The following NNMT variants were observed in gnomAD, a reference collection of about 807,000 sequenced individuals.
The protein encoded by NNMT is nicotinamide N-methyltransferase.
NNMT carries 10 observed loss-of-function variants against 11.7 expected under a neutral mutation model. The observed-to-expected ratio is 0.85, with a 90% CI of 0.53 to 1.45. NNMT has a LOEUF of 1.45. NNMT is among the 40% of genes most tolerant of loss of function. The pLI, the probability that NNMT is intolerant of heterozygous loss-of-function variation, is 0.00. For missense variants in NNMT, 381 were observed against 319.4 expected (o/e 1.19, Z -1.47); for synonymous variants, 143 against 133.8 (o/e 1.07, Z -0.48).
intron 2 of NNMT, among the ~76,000 whole-genome samples, chr11:114,281,164 A>G (rs1338579279): frequency 6.6e-6 from 1 of 152,182 alleles, no homozygotes; most frequent in Non-Finnish European, 1.5e-5. Context: ...TCTCTGCTGT[A>G]GTAAAAACCT....
chr11:114,290,023 A>G (rs1334018418), intron 2 of NNMT, among the ~76,000 whole-genome samples: 1 of 152,148 alleles, frequency 6.6e-6, no homozygotes, highest in Non-Finnish European at 1.5e-5. Context: ...TCTCGGGCCT[A>G]TTTCATAAGG....
intron 2 of NNMT, among the ~76,000 whole-genome samples, chr11:114,270,965 C>A (rs1334439544): frequency 6.6e-6 from 1 of 151,962 alleles, no homozygotes; most frequent in Non-Finnish European, 1.5e-5. Flanking sequence ...TTAGCAGAGA[C>A]AGGGTTTCAC....
chr11:114,308,625 T>A (rs1000017941), intron 2 of NNMT, among the ~76,000 whole-genome samples: 4 of 152,108 alleles, frequency 2.6e-5, no homozygotes, highest in African/African-American at 9.7e-5. Context: ...CCTTTAGAAC[T>A]AAAGAAATGA....
intron 2 of NNMT, among the ~76,000 whole-genome samples, chr11:114,281,418 T>TCTA (rs1945262291): frequency 6.6e-6 from 1 of 151,562 alleles, no homozygotes; most frequent in African/African-American, 2.4e-5. Flanking sequence ...CACTGGGGAG[T>TCTA]ATAGAGGAGG....
intron 2 of NNMT, among the ~76,000 whole-genome samples, chr11:114,275,568 T>C (rs1945207619): frequency 6.6e-6 from 1 of 152,220 alleles, no homozygotes; most frequent in Non-Finnish European, 1.5e-5. Flanking sequence ...TCTCCAGGAC[T>C]CAGTGTCTTC....
chr11:114,283,181 A>G (rs1482446995), intron 2 of NNMT, among the ~76,000 whole-genome samples: 1 of 152,168 alleles, frequency 6.6e-6, no homozygotes, highest in African/African-American at 2.4e-5. Context: ...AATGCCCCCC[A>G]TAGGAATTCT....
At chr11:114,259,707 G>A (rs1006195547) in intron 1 of NNMT, among the ~76,000 whole-genome samples, 4 of 147,714 alleles carry the variant, frequency 2.7e-5, no homozygotes, top group African/African-American at 7.5e-5. Context: ...AAGTGAACTC[G>A]CTCATTTAAA....
chr11:114,296,101 G>T, upstream of NNMT: 1 of 153,490 alleles, frequency 6.5e-6, no homozygotes, highest in Non-Finnish European at 1.4e-5. Context: ...CATTCTTCGT[G>T]ACCCCTTTTC....
At chr11:114,259,401 C>A (rs971616511) in intron 1 of NNMT, among the ~76,000 whole-genome samples, 47 of 151,184 alleles carry the variant, frequency 3.1e-4, no homozygotes, top group African/African-American at 1.2e-3. Context: ...GATTCATAGA[C>A]CACCTGACCC....
intron 2 of NNMT, among the ~76,000 whole-genome samples, chr11:114,306,777 T>C (rs1945496475): frequency 6.6e-6 from 1 of 152,116 alleles, no homozygotes; most frequent in Non-Finnish European, 1.5e-5. Flanking sequence ...TGAAGTCAGG[T>C]AGTGTGCTCC....
Position 114,296,592 on chromosome 11 carries a change from A to G in NNMT, c.36A>G (p.Leu12=), listed in dbSNP as rs750604337. Residue 12 remains leucine (L), a synonymous_variant, in exon 1 of 3, where the codon CTA becomes CTG. Transcript: ENST00000299964. ...ESGFTSKDTY[L]SHFNPRDYLE... Reference sequence around the variant, plus strand: ...GCTTCACCTCCAAGGACACCTATCTAAGCCATTTTAACCCTCGGGATTACC... The same window carrying G: ...GCTTCACCTCCAAGGACACCTATCTGAGCCATTTTAACCCTCGGGATTACC... The G allele has an allele frequency of 4.3e-6, 7 of 1,614,018 alleles. No individual in the cohort carries two copies. The highest frequency in any genetic ancestry group is 3.3e-5 in the Admixed American group (2 of 60,006).
At chr11:114,277,911 C>T (rs1251223774) in intron 2 of NNMT, among the ~76,000 whole-genome samples, 5 of 152,300 alleles carry the variant, frequency 3.3e-5, no homozygotes, top group Middle Eastern at 3.4e-3. Flanking sequence ...ACACGTAAGC[C>T]CTTGACCACA....
intron 2 of NNMT, among the ~76,000 whole-genome samples, chr11:114,302,047 T>C (rs1945443949): frequency 6.6e-6 from 1 of 152,140 alleles, no homozygotes; most frequent in Non-Finnish European, 1.5e-5. Context: ...TATATCTACA[T>C]ATCTTTTTCT....
intron 1 of NNMT, among the ~76,000 whole-genome samples, chr11:114,258,219 G>A (rs1945046089): frequency 6.6e-6 from 1 of 152,238 alleles, no homozygotes. Flanking sequence ...GCCGCCGTGG[G>A]GCTGCAGGGT....
chr11:114,278,279 T>C (rs1313529884), intron 2 of NNMT, among the ~76,000 whole-genome samples: 1 of 151,964 alleles, frequency 6.6e-6, no homozygotes, highest in Non-Finnish European at 1.5e-5. Context: ...AACGATCTGC[T>C]CTCTTGTGAA....
intron 2 of NNMT, among the ~76,000 whole-genome samples, chr11:114,306,371 T>G (rs149920660): frequency 0.021 from 3,269 of 152,316 alleles, 65 homozygotes; most frequent in Middle Eastern, 0.068. Flanking sequence ...CATTTGTTAA[T>G]TTTGGCTTTT....
chr11:114,291,539 G>T (rs1364485971), upstream of NNMT, among the ~76,000 whole-genome samples: 3 of 152,136 alleles, frequency 2.0e-5, no homozygotes, highest in African/African-American at 7.2e-5. Flanking sequence ...TCTGAGGTCT[G>T]GTTGTGGGCT....
chr11:114,289,960 G>A (rs538360945), intron 2 of NNMT, among the ~76,000 whole-genome samples: 30 of 152,214 alleles, frequency 2.0e-4, no homozygotes, highest in South Asian at 1.5e-3. Context: ...TTCCTTCTTC[G>A]TAGATAGCAC....
chr11:114,306,488 C>T (rs966783031), intron 2 of NNMT, among the ~76,000 whole-genome samples: 2 of 152,158 alleles, frequency 1.3e-5, no homozygotes, highest in Non-Finnish European at 2.9e-5. Flanking sequence ...TTAGATCTAA[C>T]ATTTAAGTCT....
Sources: allele counts gnomAD v4.1 joint callset (sites outside exome capture counted in the v4.1 genomes callset), GRCh38; gene constraint gnomAD v4.1.1; transcripts MANE v1.5; gene names NCBI Gene and HGNC (gene_info 2026-07-23, HGNC 2026-07-21).